NELL1: variants seen among roughly 807,000 people sequenced by gnomAD.
NELL1 encodes the protein neural EGFL like 1.
NELL1 carries 76 observed loss-of-function variants against 107.4 expected under a neutral mutation model. That is an observed-to-expected ratio of 0.71 (90% CI 0.59 to 0.86). NELL1 has a LOEUF of 0.86. NELL1 is among the 40% of genes least tolerant of loss of function. The probability of loss-of-function intolerance (pLI) is 0.00; values close to 1 mark genes in which losing one functional copy is unlikely to be tolerated. For synonymous variants in NELL1, 353 were observed against 341.2 expected (o/e 1.03, Z -0.38); for missense variants, 1,024 against 1,005.5 (o/e 1.02, Z -0.25).
chr11:20,938,229 G>A (rs74391423), intron 10 of NELL1, among the ~76,000 whole-genome samples: 6,087 of 152,190 alleles, frequency 0.04, 174 homozygotes, highest in Non-Finnish European at 0.056. Context: ...CTCCCAGAGG[G>A]CTGATATACT....
chr11:21,252,100 A>T (rs778633919), intron 14 of NELL1, among the ~76,000 whole-genome samples: 1 of 152,166 alleles, frequency 6.6e-6, no homozygotes, highest in Non-Finnish European at 1.5e-5. Context: ...AAGGACATTC[A>T]TTATTCTATT....
intron 12 of NELL1, among the ~76,000 whole-genome samples, chr11:20,999,781 C>T (rs1178551244): frequency 6.6e-6 from 1 of 150,400 alleles, no homozygotes; most frequent in African/African-American, 2.4e-5. Flanking sequence ...ATGGACTTCT[C>T]TTGATTTGAA....
At chr11:20,771,879 T>A (rs530626641) in intron 2 of NELL1, among the ~76,000 whole-genome samples, 1 of 152,164 alleles carries the variant, frequency 6.6e-6, no homozygotes, top group South Asian at 2.1e-4. Flanking sequence ...ACCGAAACAA[T>A]AATTAAAATG....
At position 20,783,682 on chromosome 11, in the gene NELL1, A is replaced by G. The variant is rs1856896408; in HGVS notation, c.187A>G (p.Ile63Val). The G allele has an allele frequency of 6.2e-7, 1 of 1,611,774 alleles. No individual in the cohort carries two copies. Residue 63 changes from isoleucine to valine, a missense_variant and splice_region_variant, in exon 3 of 20, where the codon ATA (isoleucine) becomes GTA (valine). Transcript: ENST00000357134. ...CTGCTTTTCTTCTTGATTCCTAGAC[A>G]TAGAAAGAGAGATCCATGCAGCTCC... ...NASKAFLFQD[I>V]EREIHAAPHV...
intron 2 of NELL1, among the ~76,000 whole-genome samples, chr11:20,750,338 C>T (rs1856104110): frequency 6.6e-6 from 1 of 151,998 alleles, no homozygotes; most frequent in Non-Finnish European, 1.5e-5. Flanking sequence ...CAGATAGATG[C>T]ATTGCAGGTA....
intron 2 of NELL1, among the ~76,000 whole-genome samples, chr11:20,691,479 C>A (rs186733453): frequency 1.9e-3 from 290 of 151,942 alleles, no homozygotes; most frequent in African/African-American, 6.1e-3. Flanking sequence ...ATTTATTGAG[C>A]GTTTTTAGCA....
In NELL1 at chr11:20,712,294, C is replaced by A. The variant is rs1855133248; in HGVS notation, c.184+34234C>A. 4.7e-5 allele frequency among the ~76,000 whole-genome samples: 7 copies of A among 149,068 alleles called. No individual in the cohort carries two copies. The South Asian group carries it at 1.5e-3, about 31-fold the overall frequency. On this transcript the variant is annotated intron_variant, in intron 2 of 19. Transcript: ENST00000357134. ...ATTTCTTTAAGTGTGTCTTTCATTTCCAGAAATTATAATTTTTTTTATGGT... is the reference window on the plus strand; with the variant it reads ...ATTTCTTTAAGTGTGTCTTTCATTTACAGAAATTATAATTTTTTTTATGGT...
chr11:21,041,779 C>G (rs992010861), intron 12 of NELL1, among the ~76,000 whole-genome samples: 2 of 152,194 alleles, frequency 1.3e-5, no homozygotes, highest in Non-Finnish European at 2.9e-5. Context: ...AATTATGGGT[C>G]TTACACAACT....
At chr11:20,879,698 T>G (rs1035173083) in intron 4 of NELL1, among the ~76,000 whole-genome samples, 4 of 152,172 alleles carry the variant, frequency 2.6e-5, no homozygotes, top group African/African-American at 9.7e-5. Flanking sequence ...CAATCTTATG[T>G]GAGTTTATGA....
chr11:20,706,258 G>A (rs532166570), intron 2 of NELL1, among the ~76,000 whole-genome samples: 2 of 152,112 alleles, frequency 1.3e-5, no homozygotes, highest in Non-Finnish European at 2.9e-5. Flanking sequence ...CAAAGAGTTG[G>A]AACCAACCCT....
intron 12 of NELL1, among the ~76,000 whole-genome samples, chr11:21,009,306 C>A (rs977033507): frequency 2.0e-5 from 3 of 152,124 alleles, no homozygotes; most frequent in Non-Finnish European, 2.9e-5. Flanking sequence ...TTCATTCATC[C>A]ATTCAGCTAA....
At chr11:21,317,747 C>G (rs1425160476) in intron 14 of NELL1, among the ~76,000 whole-genome samples, 1 of 151,994 alleles carries the variant, frequency 6.6e-6, no homozygotes, top group African/African-American at 2.4e-5. Context: ...TTTACTTTTT[C>G]TAAATGTTTG....
intron 2 of NELL1, among the ~76,000 whole-genome samples, chr11:20,713,570 AC>A (rs1855165262): frequency 6.6e-6 from 1 of 152,088 alleles, no homozygotes; most frequent in African/African-American, 2.4e-5. Context: ...GAGAAAGAAA[AC>A]ATGGCTTTCA....
At chr11:21,357,998 G>A (rs777289239) in intron 14 of NELL1, among the ~76,000 whole-genome samples, 9 of 152,088 alleles carry the variant, frequency 5.9e-5, no homozygotes, top group Middle Eastern at 3.2e-3. Context: ...TGTTCCATTG[G>A]TCTACATGCC....
intron 14 of NELL1, among the ~76,000 whole-genome samples, chr11:21,253,882 G>A (rs1001405089): frequency 4.6e-5 from 7 of 152,078 alleles, no homozygotes; most frequent in Non-Finnish European, 1.0e-4. Context: ...ATGTAGTGTG[G>A]ATATACTCCA....
chr11:21,532,366 T>A (rs893980196), intron 15 of NELL1, among the ~76,000 whole-genome samples: 1 of 152,238 alleles, frequency 6.6e-6, no homozygotes, highest in Non-Finnish European at 1.5e-5. Context: ...AAAAAGTATT[T>A]GCACATCATT....
intron 3 of NELL1, among the ~76,000 whole-genome samples, chr11:20,796,092 T>C (rs376266286): frequency 6.6e-6 from 1 of 152,224 alleles, no homozygotes; most frequent in African/African-American, 2.4e-5. Flanking sequence ...CCTGTCCTCA[T>C]GGCTGCTTTA....
intron 2 of NELL1, among the ~76,000 whole-genome samples, chr11:20,710,232 C>T (rs1590224532): frequency 6.6e-6 from 1 of 152,132 alleles, no homozygotes; most frequent in Non-Finnish European, 1.5e-5. Context: ...CCCTTCTATG[C>T]CAGTTTCGCT....
At chr11:21,132,866 C>T (rs1234900221) in intron 13 of NELL1, among the ~76,000 whole-genome samples, 1 of 152,120 alleles carries the variant, frequency 6.6e-6, no homozygotes, top group Non-Finnish European at 1.5e-5. Flanking sequence ...TGATGGGTCC[C>T]AATTTCTTGT....
Sources: gnomAD v4.1 joint callset for allele counts (sites outside exome capture counted in the v4.1 genomes callset) on GRCh38, gnomAD v4.1.1 for gene constraint, MANE v1.5 for transcripts, NCBI Gene and HGNC (gene_info 2026-07-23, HGNC 2026-07-21) for gene names.